The following RBMX variants were observed in gnomAD, a reference collection of about 807,000 sequenced individuals.
The protein encoded by RBMX is RNA-binding motif protein, X chromosome.
A neutral mutation model predicts 29.3 loss-of-function variants in RBMX; 1 was observed. The ratio of observed to expected loss-of-function variants is 0.03; its 90% CI spans 0.01 to 0.16. RBMX has a LOEUF of 0.16. Among genes scored for constraint, RBMX ranks in the 10% least tolerant of loss-of-function variants. RBMX has a pLI of 1.00. For synonymous variants in RBMX, 102 were observed against 102.3 expected (o/e 1.00, Z 0.02); for missense variants, 121 against 333.2 (o/e 0.36, Z 4.96).
At chrX:136,871,359 G>C (rs1434333481), downstream of RBMX, among the ~76,000 whole-genome samples, 1 of 101,877 alleles carries the variant, frequency 9.8e-6, no homozygotes, top group Non-Finnish European at 2.0e-5. Context: ...CAGGAGAATG[G>C]CGTGAACCCG....
At chrX:136,870,828 C>T (rs923349947), downstream of RBMX, among the ~76,000 whole-genome samples, 6 of 107,935 alleles carry the variant, frequency 5.6e-5, no homozygotes, top group Non-Finnish European at 1.1e-4. Flanking sequence ...AAAAGAAAGC[C>T]GCATGCAGTG....
At chrX:136,872,227 C>T, downstream of RBMX, 1 of 1,008,758 alleles carries the variant, frequency 9.9e-7, no homozygotes, top group Non-Finnish European at 1.4e-6. Flanking sequence ...GGTAGTTACA[C>T]AACATTTAAA....
At chrX:136,871,460 AG>A (rs2148708944), downstream of RBMX, among the ~76,000 whole-genome samples, 2 of 101,021 alleles carry the variant, frequency 2.0e-5, no homozygotes, top group East Asian at 3.0e-4. Context: ...AAAAAAAAAA[AG>A]GTAATATTGA....
rs2077735505 is a variant in RBMX, at chrX:136,876,795, C to T, written c.389-140G>A. Reference sequence around the variant, plus strand: ...TCATCTCGGCTCACTGCAACCTCTGCCTCCTGGGTTCAAGCAATTCTCCTG... The same window carrying T: ...TCATCTCGGCTCACTGCAACCTCTGTCTCCTGGGTTCAAGCAATTCTCCTG... On this transcript the variant is annotated intron_variant, in intron 4 of 8. Coordinates refer to ENST00000320676, the MANE Select transcript of RBMX (RefSeq NM_002139.4). The T allele has an allele frequency of 9.5e-6, 4 of 419,616 alleles. No individual in the cohort carries two copies. The South Asian group carries it at 2.0e-4, about 21-fold the overall frequency. The allele number at this position is 419,616 out of a possible 1,213,427, so 34.6% of individuals were successfully genotyped here. A position where few individuals can be genotyped will look rare whatever the true frequency, so the allele number is the denominator to read the frequency against.
chrX:136,870,863 T>A (rs941430726), downstream of RBMX, among the ~76,000 whole-genome samples: 1 of 102,594 alleles, frequency 9.7e-6, no homozygotes, highest in African/African-American at 3.6e-5. Flanking sequence ...TCTCAGCACA[T>A]TGGGAGGTCG....
At chrX:136,878,823 C>T (rs2077767480) in intron 3 of RBMX, among the ~76,000 whole-genome samples, 194 bp downstream of exon 3, 1 of 108,441 alleles carries the variant, frequency 9.2e-6, no homozygotes, top group South Asian at 4.0e-4. Context: ...TAAGATATAA[C>T]TCACTACTAG....
downstream of RBMX, among the ~76,000 whole-genome samples, chrX:136,870,832 T>C (rs1457744921): frequency 1.9e-5 from 2 of 104,675 alleles, no homozygotes; most frequent in Non-Finnish European, 3.9e-5. Context: ...GAAAGCCGCA[T>C]GCAGTGGCTC....
chrX:136,876,181 T>C (rs904287471), intron 5 of RBMX, among the ~76,000 whole-genome samples: 3 of 98,354 alleles, frequency 3.1e-5, no homozygotes, highest in East Asian at 3.2e-4. Flanking sequence ...TGGAGGACAG[T>C]GGCATGATCT....
At chrX:136,869,263 AGTTCTAT>A (rs1271455009), downstream of RBMX, 1 of 112,652 alleles carries the variant, frequency 8.9e-6, no homozygotes, top group Non-Finnish European at 1.9e-5. Context: ...ATAATACCCA[AGTTCTAT>A]GTTCAACTAC....
At chrX:136,877,391 T>C (rs762820048) in intron 4 of RBMX, among the ~76,000 whole-genome samples, 15 of 98,237 alleles carry the variant, frequency 1.5e-4, no homozygotes, top group African/African-American at 5.6e-4. Flanking sequence ...TTGTACTTGA[T>C]GGAGCATGCA....
At chrX:136,878,181 G>A (rs1394917673) in intron 3 of RBMX, 95 bp from the exon 4 acceptor site, 2 of 778,835 alleles carry the variant, frequency 2.6e-6, no homozygotes, top group Non-Finnish European at 3.6e-6. Flanking sequence ...TCAAAATGCA[G>A]TTATGGGTAA....
chrX:136,875,310 G>A lies in RBMX; in HGVS notation c.730C>T (p.Arg244Cys). ...CGTGAACTGGAATGACCATAATCACGGTAAGTATAATCTCGTGGTGGTGGT... is the reference window on the plus strand; with the variant it reads ...CGTGAACTGGAATGACCATAATCACAGTAAGTATAATCTCGTGGTGGTGGT... ...YAPPPRDYTY[R>C]DYGHSSSRDD... The change falls in exon 7 of 9, where the codon CGT becomes TGT. Residue 244 changes from arginine to cysteine, a missense_variant. Coordinates refer to ENST00000320676, the MANE Select transcript of RBMX (RefSeq NM_002139.4). 8.3e-7 allele frequency: 1 copy of A among 1,211,437 alleles called. No homozygotes were observed. Among genetic ancestry groups the A allele is most frequent in the Non-Finnish European group, 1.1e-6 (1 of 895,347 alleles).
chrX:136,876,282 T>C (rs59370596), intron 5 of RBMX, among the ~76,000 whole-genome samples: 14,352 of 107,284 alleles, frequency 0.13, 1,642 homozygotes, highest in African/African-American at 0.37. Flanking sequence ...CGCCCTACAC[T>C]CAGCTAATTT....
intron 2 of RBMX, 82 bp downstream of exon 2, chrX:136,879,237 T>C: frequency 8.4e-7 from 1 of 1,193,099 alleles, no homozygotes; most frequent in East Asian, 3.0e-5. Context: ...TACATTATCA[T>C]GTCAGACGAT....
downstream of RBMX, among the ~76,000 whole-genome samples, chrX:136,871,949 A>G (rs939632737): frequency 9.1e-6 from 1 of 109,984 alleles, no homozygotes; most frequent in African/African-American, 3.3e-5. Context: ...CATGGTGCCC[A>G]GCTGAGCAAA....
At position 136,879,127 on chromosome X, in the gene RBMX, A is replaced by G. The variant is rs749932560; in HGVS notation, c.110-4T>C. ...TCACGGTCTTTCATCAAGAGTACTA[A>G]AAAGTAGTTTTCAGAAAAATAAAGT... On this transcript the variant is annotated splice_polypyrimidine_tract_variant and splice_region_variant and intron_variant, in intron 2 of 8. Coordinates refer to ENST00000320676, the MANE Select transcript of RBMX (RefSeq NM_002139.4). 78 of 1,201,650 alleles carry G rather than the reference A, an allele frequency of 6.5e-5. No individual in the cohort carries two copies. The highest frequency in any genetic ancestry group is 8.4e-5 in the Non-Finnish European group (75 of 889,114).
At chrX:136,877,169 T>TA (rs1257100730) in intron 4 of RBMX, among the ~76,000 whole-genome samples, 2 of 108,734 alleles carry the variant, frequency 1.8e-5, no homozygotes, top group South Asian at 4.1e-4. Flanking sequence ...ATCCTGTCTC[T>TA]ACTAAAAATA....
rs765225668 is a variant in RBMX at position 136,877,328 on chromosome X, A to ACCC, written c.388+584_388+586dup. ...GCCTGGGCAACAAGTGCTAAACTCT[A>ACCC]CCCCCCCCCCCCCAAAAAAAAACCA... On this transcript the variant is annotated intron_variant, in intron 4 of 8. Transcript: ENST00000320676. Among the ~76,000 whole-genome samples the ACCC allele has an allele frequency of 8.3e-3, 211 of 25,287 alleles. 22 individuals are homozygous for ACCC. The highest frequency in any genetic ancestry group is 0.034 in the South Asian group (6 of 174). 22.0% of individuals were successfully genotyped at this position (25,287 alleles called of 115,157 possible).
chrX:136,876,726 T>G (rs187194543), intron 4 of RBMX, 71 bp from the exon 5 acceptor site: 1 of 979,724 alleles, frequency 1.0e-6, no homozygotes, highest in Non-Finnish European at 1.4e-6. Context: ...GTTTTTTTTT[T>G]TTTTTGAGAG....
Sources: allele counts gnomAD v4.1 joint callset (sites outside exome capture counted in the v4.1 genomes callset), GRCh38; gene constraint gnomAD v4.1.1; transcripts MANE v1.5; gene names NCBI Gene and HGNC (gene_info 2026-07-23, HGNC 2026-07-21).